The following TMEM41B variants were observed in gnomAD, a reference collection of about 807,000 sequenced individuals.
The protein encoded by TMEM41B is transmembrane protein 41B.
Under a neutral mutation model 31.9 loss-of-function variants are expected in TMEM41B, and 18 were observed. The ratio of observed to expected loss-of-function variants is 0.56; its 90% CI spans 0.39 to 0.84. TMEM41B has a LOEUF of 0.84. Among genes scored for constraint, TMEM41B ranks in the 40% least tolerant of loss-of-function variants. The pLI is 0.00. For synonymous variants in TMEM41B, 144 were observed against 124.3 expected (o/e 1.16, Z -1.05); for missense variants, 322 against 348.0 (o/e 0.93, Z 0.59).
intron 6 of TMEM41B, among the ~76,000 whole-genome samples, chr11:9,285,304 C>T (rs924845774): frequency 2.0e-5 from 3 of 152,008 alleles, no homozygotes; most frequent in Non-Finnish European, 2.9e-5. Flanking sequence ...AGGCTGGTCT[C>T]GAACTCTTGA....
At chr11:9,300,612 C>T (rs1164069332) in intron 1 of TMEM41B, among the ~76,000 whole-genome samples, 2 of 152,100 alleles carry the variant, frequency 1.3e-5, no homozygotes, top group African/African-American at 4.8e-5. Context: ...GGCGCGGTGG[C>T]TCACGCCTGT....
intron 3 of TMEM41B, among the ~76,000 whole-genome samples, chr11:9,293,763 A>G (rs1336569163): frequency 6.6e-6 from 1 of 151,902 alleles, no homozygotes; most frequent in Non-Finnish European, 1.5e-5. Context: ...TTGTATTTTT[A>G]GTAAAGATGG....
intron 2 of TMEM41B, 32 bp downstream of exon 2, chr11:9,299,544 AATATCTAT>A: frequency 7.4e-7 from 1 of 1,343,188 alleles, no homozygotes; most frequent in Non-Finnish European, 1.1e-6. Flanking sequence ...TCATCTTATA[AATATCTAT>A]ACATTTTCAG....
intron 3 of TMEM41B, among the ~76,000 whole-genome samples, chr11:9,290,408 G>A (rs185562473): frequency 6.6e-6 from 1 of 152,090 alleles, no homozygotes; most frequent in Non-Finnish European, 1.5e-5. Context: ...ATCATATTAT[G>A]GATAGTTTCA....
At chr11:9,304,200 A>C (rs1374342436) in intron 1 of TMEM41B, among the ~76,000 whole-genome samples, 1 of 152,184 alleles carries the variant, frequency 6.6e-6, no homozygotes, top group African/African-American at 2.4e-5. Context: ...GAGAATTAAA[A>C]ACACACTTTA....
intron 2 of TMEM41B, 64 bp downstream of exon 2, chr11:9,299,520 G>T: frequency 1.8e-6 from 2 of 1,135,308 alleles, no homozygotes; most frequent in Non-Finnish European, 1.3e-6. Context: ...ACTGCACTTG[G>T]CCTTAATCCA....
intron 3 of TMEM41B, among the ~76,000 whole-genome samples, chr11:9,289,957 A>G (rs1852916938): frequency 6.6e-6 from 1 of 152,138 alleles, no homozygotes; most frequent in Non-Finnish European, 1.5e-5. Flanking sequence ...AACCACATAT[A>G]GTACTAAAAA....
At position 9,287,695 on chromosome 11, in the gene TMEM41B, T is replaced by A; in HGVS notation, c.567+7A>T. Reference sequence around the variant, plus strand: ...TTACATCAAATAATTTAAAAATACATGTTTACCTGCTGTGACCATTTTACT... The same window carrying A: ...TTACATCAAATAATTTAAAAATACAAGTTTACCTGCTGTGACCATTTTACT... On this transcript the variant is annotated splice_region_variant and intron_variant, in intron 5 of 6. Transcript: ENST00000528080. The A allele has an allele frequency of 2.5e-6, 4 of 1,586,922 alleles. No homozygotes were observed. The highest frequency in any genetic ancestry group is 3.4e-6 in the Non-Finnish European group (4 of 1,162,112).
chr11:9,284,237 C>T (rs545990420), intron 6 of TMEM41B, among the ~76,000 whole-genome samples: 109 of 151,860 alleles, frequency 7.2e-4, no homozygotes, highest in African/African-American at 2.3e-3. Flanking sequence ...CTCAGTCTCT[C>T]GAGGCTCAGG....
At position 9,289,145 on chromosome 11, in the gene TMEM41B, G is replaced by A. The variant is rs192340864; in HGVS notation, c.369-610C>T. On this transcript the variant is annotated intron_variant, in intron 3 of 6. Coordinates refer to ENST00000528080, the MANE Select transcript of TMEM41B (RefSeq NM_015012.4). ...CAGCCTTGCAAGTAGTTGGGATCAC[G>A]GACGTGTGTCACCACACCAATTTTT... 4.5e-3 allele frequency among the ~76,000 whole-genome samples: 668 copies of A among 147,326 alleles called. 8 individuals are homozygous for A. Among genetic ancestry groups the A allele is most frequent in the African/African-American group, 0.015 (628 of 41,228 alleles).
At chr11:9,309,830 G>A (rs1203727551) in intron 1 of TMEM41B, among the ~76,000 whole-genome samples, 3 of 150,530 alleles carry the variant, frequency 2.0e-5, no homozygotes, top group Non-Finnish European at 3.0e-5. Context: ...GCTGAGGCAG[G>A]AGAATGGCGT....
intron 3 of TMEM41B, among the ~76,000 whole-genome samples, chr11:9,290,308 CAGG>C (rs955994033): frequency 6.6e-6 from 1 of 152,120 alleles, no homozygotes; most frequent in African/African-American, 2.4e-5. Context: ...ACCCAGGAAG[CAGG>C]AGATTGCAGT....
At chr11:9,283,766 A>T (rs1223441403) in intron 6 of TMEM41B, among the ~76,000 whole-genome samples, 173 bp from the exon 7 acceptor site, 1 of 151,958 alleles carries the variant, frequency 6.6e-6, no homozygotes, top group Non-Finnish European at 1.5e-5. Context: ...AATCTTTCCT[A>T]ATCACCTCTT....
rs1001121662 is a variant in TMEM41B at position 9,286,555 on chromosome 11, T to C, written c.606A>G (p.Ile202Met). 6 of 1,612,806 alleles carry C rather than the reference T, an allele frequency of 3.7e-6. No individual in the cohort carries two copies. The African/African-American group carries it at 6.7e-5, about 18-fold the overall frequency. Residue 202 changes from isoleucine to methionine, a missense_variant, in exon 6 of 7, where the codon ATA (isoleucine) becomes ATG (methionine). Ile to Met is a conservative substitution (Grantham distance 10). This residue lies in a region of TMEM41B where 47 missense variants were observed against 84.8 expected (regional missense o/e 0.55). Transcript: ENST00000528080. ...GCAGAAATGGTGTTATTCTCAAAAATATAATGTAGTTAATGAGATGTTCTC... is the reference window on the plus strand; with the variant it reads ...GCAGAAATGGTGTTATTCTCAAAAACATAATGTAGTTAATGAGATGTTCTC... The part of the protein sequence containing the change: ...RHREHLINYI[I>M]FLRITPFLPN...
At chr11:9,298,687 C>G (rs1327978654) in intron 2 of TMEM41B, among the ~76,000 whole-genome samples, 1 of 151,428 alleles carries the variant, frequency 6.6e-6, no homozygotes, top group Non-Finnish European at 1.5e-5. Flanking sequence ...AATCCTTCAA[C>G]TCAGGAGAGG....
At position 9,311,546 on chromosome 11, in the gene TMEM41B, C is replaced by G. The variant is rs1363895271; in HGVS notation, c.121+2775G>C. 33 of 1,222,856 alleles carry G rather than the reference C, an allele frequency of 2.7e-5. No homozygotes were observed. The African/African-American group carries it at 4.1e-4, about 15-fold the overall frequency. 75.8% of individuals were successfully genotyped at this position (1,222,856 alleles called of 1,614,324 possible). A position where few individuals can be genotyped will look rare whatever the true frequency, so the allele number is the denominator to read the frequency against. Reference sequence around the variant, plus strand: ...CTGGGGGGAAAGCTGAATTGCCTTGCGGAGCTCCTGGGGGAGGAGGACAGG... The same window carrying G: ...CTGGGGGGAAAGCTGAATTGCCTTGGGGAGCTCCTGGGGGAGGAGGACAGG... On this transcript the variant is annotated intron_variant, in intron 1 of 6. Coordinates refer to ENST00000528080, the MANE Select transcript of TMEM41B (RefSeq NM_015012.4).
intron 3 of TMEM41B, among the ~76,000 whole-genome samples, chr11:9,289,650 GA>G (rs1852910867): frequency 6.6e-6 from 1 of 152,134 alleles, no homozygotes; most frequent in Non-Finnish European, 1.5e-5. Flanking sequence ...CCTCAGAGGA[GA>G]TTCTCTCCTC....
At position 9,295,871 on chromosome 11, in the gene TMEM41B, T is replaced by A. The variant is rs1177473518; in HGVS notation, c.240-484A>T. ...TTAATTTCATTTTATTTTTATTATT[T>A]TTTTTGACACAGTCTCACTCTGTTG... On this transcript the variant is annotated intron_variant, in intron 2 of 6. Transcript: ENST00000528080. Among the ~76,000 whole-genome samples, 14 of 151,524 alleles carry A rather than the reference T, an allele frequency of 9.2e-5. No individual in the cohort carries two copies. The East Asian group carries it at 2.3e-3, about 25-fold the overall frequency.
chr11:9,306,730 G>T (rs1022508911), intron 1 of TMEM41B, among the ~76,000 whole-genome samples: 1 of 151,728 alleles, frequency 6.6e-6, no homozygotes, highest in Non-Finnish European at 1.5e-5. Flanking sequence ...CCTACAAGAC[G>T]TTCAACATGT....
Sources: gnomAD v4.1 joint callset for allele counts (sites outside exome capture counted in the v4.1 genomes callset) on GRCh38, gnomAD v4.1.1 for gene constraint, gnomAD v4.1.1 regional missense constraint, MANE v1.5 for transcripts, NCBI Gene and HGNC (gene_info 2026-07-23, HGNC 2026-07-21) for gene names.